Variants in NCOR1 observed in about 807,000 individuals in gnomAD.
The protein encoded by NCOR1 is nuclear receptor corepressor 1.
In NCOR1, 63 loss-of-function variants were observed where a neutral mutation model predicts 288.1. That is an observed-to-expected ratio of 0.22 (90% CI 0.18 to 0.27). The LOEUF is 0.27. Among genes scored for constraint, NCOR1 ranks in the 10% least tolerant of loss-of-function variants. The pLI, the probability that NCOR1 is intolerant of heterozygous loss-of-function variation, is 1.00. For synonymous variants in NCOR1, 1,007 were observed against 1,065.9 expected (o/e 0.94, Z 1.08); for missense variants, 2,397 against 3,019.2 (o/e 0.79, Z 4.83).
intron 2 of NCOR1, among the ~76,000 whole-genome samples, chr17:16,189,952 G>A (rs754715135): frequency 6.6e-6 from 1 of 152,198 alleles, no homozygotes; most frequent in Non-Finnish European, 1.5e-5. Flanking sequence ...TCATCATTTG[G>A]CTGGGCATGC....
intron 4 of NCOR1, among the ~76,000 whole-genome samples, chr17:16,168,366 A>G (rs1484573349): frequency 6.6e-6 from 1 of 151,848 alleles, no homozygotes; most frequent in Non-Finnish European, 1.5e-5. Flanking sequence ...ACGTCCAGAT[A>G]ATTTTTGTAT....
intron 18 of NCOR1, among the ~76,000 whole-genome samples, chr17:16,110,616 T>A (rs908125371): frequency 1.3e-5 from 2 of 152,206 alleles, no homozygotes; most frequent in Non-Finnish European, 2.9e-5. Flanking sequence ...GCCCTGATGG[T>A]CCTCTGTCTT....
At chr17:16,122,740 G>A (rs1405984334) in intron 15 of NCOR1, 3 of 152,262 alleles carry the variant, frequency 2.0e-5, no homozygotes, top group Non-Finnish European at 4.4e-5. Flanking sequence ...GGGCTCAAGT[G>A]AGCCTCCCAC....
chr17:16,097,180 C>A (rs2066786442), intron 21 of NCOR1, among the ~76,000 whole-genome samples: 1 of 152,174 alleles, frequency 6.6e-6, no homozygotes, highest in Admixed American at 6.5e-5. Context: ...TGACTCCTGG[C>A]TGGGGCCTCT....
intron 8 of NCOR1, among the ~76,000 whole-genome samples, chr17:16,150,688 C>A (rs2078705186): frequency 6.7e-6 from 1 of 150,182 alleles, no homozygotes; most frequent in Non-Finnish European, 1.5e-5. Context: ...ACAAACATAA[C>A]ACTGAGGCTT....
chr17:16,115,396 A>G (rs1180500342), intron 18 of NCOR1, among the ~76,000 whole-genome samples: 1 of 152,246 alleles, frequency 6.6e-6, no homozygotes, highest in African/African-American at 2.4e-5. Context: ...AAATTCCTGC[A>G]GCAGGCTTGA....
At chr17:16,036,485 A>G (rs754506151) in intron 44 of NCOR1, among the ~76,000 whole-genome samples, 6 of 152,182 alleles carry the variant, frequency 3.9e-5, no homozygotes, top group Non-Finnish European at 7.3e-5. Flanking sequence ...TGTCTTTTGA[A>G]GTTTTGGACT....
intron 3 of NCOR1, among the ~76,000 whole-genome samples, chr17:16,179,008 C>T (rs1006355688): frequency 6.6e-6 from 1 of 151,972 alleles, no homozygotes; most frequent in African/African-American, 2.4e-5. Flanking sequence ...GAGGCTGAGG[C>T]AGAAGAATCG....
intron 3 of NCOR1, among the ~76,000 whole-genome samples, chr17:16,184,706 C>G (rs1343630615): frequency 6.6e-6 from 1 of 152,162 alleles, no homozygotes; most frequent in Non-Finnish European, 1.5e-5. Context: ...CACAATCCTT[C>G]TTCTGGATAT....
At chr17:16,199,628 G>C (rs2090488935) in intron 1 of NCOR1, among the ~76,000 whole-genome samples, 2 of 152,120 alleles carry the variant, frequency 1.3e-5, no homozygotes, top group Non-Finnish European at 2.9e-5. Flanking sequence ...AAAGAATCTA[G>C]TTTAAAGTTC....
chr17:16,131,123 G>C (rs1240204476), intron 14 of NCOR1, among the ~76,000 whole-genome samples: 2 of 152,082 alleles, frequency 1.3e-5, no homozygotes, highest in African/African-American at 4.8e-5. Flanking sequence ...GAATAGCTGG[G>C]ATTACACTAC....
At chr17:16,110,727 T>C (rs1046178237) in intron 18 of NCOR1, among the ~76,000 whole-genome samples, 3 of 152,198 alleles carry the variant, frequency 2.0e-5, no homozygotes, top group Non-Finnish European at 4.4e-5. Context: ...TGTTAAAAAT[T>C]ACCCGTACAT....
Position 16,127,299 on chromosome 17 carries a change from A to ATATATGTGTG in NCOR1, c.1510-1094_1510-1093insCACACATATA, listed in dbSNP as rs1568195360. Reference sequence around the variant, plus strand: ...TATATATACGTGTATATATGTATGTATGTATATATACATGTATGTATATAT... The same window carrying ATATATGTGTG: ...TATATATACGTGTATATATGTATGTATATATGTGTGTGTATATATACATGTATGTATATAT... On this transcript the variant is annotated intron_variant, in intron 14 of 45. Coordinates refer to ENST00000268712, the MANE Select transcript of NCOR1 (RefSeq NM_006311.4). Among the ~76,000 whole-genome samples, 23 of 100,654 alleles carry ATATATGTGTG rather than the reference A, an allele frequency of 2.3e-4. 5 individuals are homozygous for ATATATGTGTG. The highest frequency in any genetic ancestry group is 2.9e-4 in the Non-Finnish European group (13 of 44,238). 66.0% of individuals were successfully genotyped at this position (100,654 alleles called of 152,430 possible).
chr17:16,188,966 A>G (rs185112493), intron 2 of NCOR1, among the ~76,000 whole-genome samples: 5 of 152,260 alleles, frequency 3.3e-5, no homozygotes, highest in African/African-American at 1.2e-4. Context: ...CGGAGTTTGC[A>G]GTGAGCCTAG....
intron 16 of NCOR1, among the ~76,000 whole-genome samples, chr17:16,119,942 A>G (rs757643797): frequency 9.9e-5 from 15 of 152,184 alleles, no homozygotes; most frequent in Non-Finnish European, 2.2e-4. Context: ...CCAGTGGGTA[A>G]AGATGGATCA....
intron 43 of NCOR1, 130 bp downstream of exon 43, chr17:16,040,311 A>T (rs1597664654): frequency 1.3e-6 from 1 of 799,738 alleles, no homozygotes; most frequent in East Asian, 2.7e-5. Flanking sequence ...CCTTCACTAA[A>T]TTATTTATTT....
intron 2 of NCOR1, among the ~76,000 whole-genome samples, chr17:16,187,110 C>T (rs1365676013): frequency 1.3e-5 from 2 of 151,942 alleles, no homozygotes; most frequent in Non-Finnish European, 2.9e-5. Context: ...TACAGAGAAT[C>T]AACCTGCTAG....
chr17:16,054,605 A>G (rs2059705371), intron 40 of NCOR1, among the ~76,000 whole-genome samples: 1 of 152,202 alleles, frequency 6.6e-6, no homozygotes, highest in Non-Finnish European at 1.5e-5. Context: ...AGCATATGAA[A>G]AAAAAAGCTC....
At chr17:16,100,010 C>T (rs1443897165) in intron 20 of NCOR1, among the ~76,000 whole-genome samples, 1 of 151,974 alleles carries the variant, frequency 6.6e-6, no homozygotes, top group Non-Finnish European at 1.5e-5. Flanking sequence ...CCAAGACACA[C>T]TCTGAAAGAT....
Sources: allele counts gnomAD v4.1 joint callset (sites outside exome capture counted in the v4.1 genomes callset), GRCh38; gene constraint gnomAD v4.1.1; transcripts MANE v1.5; gene names NCBI Gene and HGNC (gene_info 2026-07-23, HGNC 2026-07-21).